Variants in COBL observed in about 807,000 individuals in gnomAD.
The protein encoded by COBL is protein cordon-bleu.
Under a neutral mutation model 98.8 loss-of-function variants are expected in COBL, and 51 were observed. The observed-to-expected ratio is 0.52, with a 90% CI of 0.41 to 0.65. The LOEUF is 0.65. Among genes scored for constraint, COBL ranks in the 30% least tolerant of loss-of-function variants. The probability of loss-of-function intolerance (pLI) is 0.00; values close to 1 mark genes in which losing one functional copy is unlikely to be tolerated. For missense variants in COBL, 1,617 were observed against 1,617.5 expected, an observed-to-expected ratio of 1.00 and a Z score of 0.01; for synonymous variants, 634 against 651.7, an observed-to-expected ratio of 0.97 and a Z score of 0.41.
intron 5 of COBL, among the ~76,000 whole-genome samples, chr7:51,155,843 G>A (rs1253488920): frequency 6.6e-6 from 1 of 152,042 alleles, no homozygotes; most frequent in Non-Finnish European, 1.5e-5. Context: ...ATCTACTCTA[G>A]GTCCCATTGT....
intron 4 of COBL, among the ~76,000 whole-genome samples, chr7:51,190,042 G>A (rs1291690624): frequency 6.6e-6 from 1 of 152,208 alleles, no homozygotes. Context: ...TGGCAACACA[G>A]TGAGGAGGCC....
intron 10 of COBL, among the ~76,000 whole-genome samples, chr7:51,027,300 GACAGTTC>G (rs1441550078): frequency 6.6e-6 from 1 of 152,268 alleles, no homozygotes; most frequent in Non-Finnish European, 1.5e-5. Flanking sequence ...ACTGAAGAAT[GACAGTTC>G]GCTGCTGCTA....
At chr7:51,269,136 G>C (rs968545539) in intron 1 of COBL, among the ~76,000 whole-genome samples, 2 of 152,092 alleles carry the variant, frequency 1.3e-5, no homozygotes, top group Non-Finnish European at 2.9e-5. Flanking sequence ...GGGATGGGGA[G>C]TGCTTCTGTG....
chr7:51,050,073 G>C (rs1174306462), intron 7 of COBL, among the ~76,000 whole-genome samples: 1 of 152,132 alleles, frequency 6.6e-6, no homozygotes, highest in East Asian at 1.9e-4. Context: ...ATAGACCTGG[G>C]CTCCTCAAAG....
In COBL at chr7:51,237,486, T is replaced by C. The variant is rs144252981; in HGVS notation, c.42-17542A>G. ...TAACAGCTGAATTTACTTTTACGGT[T>C]TGCCGATCTCAATATACATAAACTG... On this transcript the variant is annotated intron_variant, in intron 1 of 12. Coordinates refer to ENST00000265136, the MANE Select transcript of COBL (RefSeq NM_015198.5). 1.6e-4 allele frequency among the ~76,000 whole-genome samples: 24 copies of C among 151,208 alleles called. 1 individual carries two copies. In the East Asian group the frequency reaches 4.5e-3, roughly 28 times the overall value.
chr7:51,276,079 G>C (rs771818716), intron 1 of COBL, among the ~76,000 whole-genome samples: 28 of 152,180 alleles, frequency 1.8e-4, no homozygotes, highest in Non-Finnish European at 3.2e-4. Context: ...GCTCATAAAT[G>C]AAAATGTGCA....
At chr7:51,169,317 T>C (rs1177427228) in intron 5 of COBL, among the ~76,000 whole-genome samples, 1 of 152,166 alleles carries the variant, frequency 6.6e-6, no homozygotes, top group African/African-American at 2.4e-5. Context: ...ATCTTACGTG[T>C]ACTGATTGAT....
At chr7:51,228,547 C>G (rs1397895927) in intron 1 of COBL, among the ~76,000 whole-genome samples, 3 of 151,974 alleles carry the variant, frequency 2.0e-5, no homozygotes, top group Admixed American at 6.5e-5. Flanking sequence ...ACAGTTTTGA[C>G]CTGGGGGTGG....
At chr7:51,235,365 G>C (rs1795156599) in intron 1 of COBL, among the ~76,000 whole-genome samples, 1 of 152,152 alleles carries the variant, frequency 6.6e-6, no homozygotes, top group African/African-American at 2.4e-5. Context: ...GACAGGTCAG[G>C]GATCTGAAGG....
At chr7:51,207,204 C>G (rs1363613661) in intron 2 of COBL, among the ~76,000 whole-genome samples, 1 of 151,674 alleles carries the variant, frequency 6.6e-6, no homozygotes, top group Non-Finnish European at 1.5e-5. Flanking sequence ...AAAAGAAAAT[C>G]ACTTTTCCCA....
chr7:51,226,632 A>C (rs1389992353), intron 1 of COBL, among the ~76,000 whole-genome samples: 1 of 152,138 alleles, frequency 6.6e-6, no homozygotes, highest in African/African-American at 2.4e-5. Context: ...CAGTTTTCTC[A>C]GCAATAATAA....
intron 1 of COBL, among the ~76,000 whole-genome samples, chr7:51,261,126 G>A (rs1037722342): frequency 2.6e-5 from 4 of 152,118 alleles, no homozygotes; most frequent in Admixed American, 6.5e-5. Flanking sequence ...ACATGCTGCC[G>A]TACACAGTAG....
intron 6 of COBL, among the ~76,000 whole-genome samples, chr7:51,119,539 G>A (rs1043572963): frequency 4.6e-5 from 7 of 152,104 alleles, no homozygotes; most frequent in Non-Finnish European, 1.0e-4. Flanking sequence ...ACTGCACCAC[G>A]AGCTTCTCTA....
intron 1 of COBL, among the ~76,000 whole-genome samples, chr7:51,278,379 C>CTTTTTTTTTT (rs10649607): frequency 8.4e-6 from 1 of 119,520 alleles, no homozygotes; most frequent in African/African-American, 3.2e-5. Context: ...TAGACAGGAT[C>CTTTTTTTTTT]TTTTTTTTTT....
intron 4 of COBL, among the ~76,000 whole-genome samples, chr7:51,186,297 C>A (rs779429964): frequency 2.0e-5 from 3 of 152,134 alleles, no homozygotes; most frequent in Non-Finnish European, 4.4e-5. Flanking sequence ...CAGATGTGAC[C>A]CCATCGTAAG....
chr7:51,157,359 CA>C (rs1205669798), intron 5 of COBL, among the ~76,000 whole-genome samples: 2 of 152,150 alleles, frequency 1.3e-5, no homozygotes, highest in Admixed American at 6.5e-5. Flanking sequence ...GGCAACACAG[CA>C]AGACTCCGCC....
intron 6 of COBL, among the ~76,000 whole-genome samples, chr7:51,106,364 C>T (rs895801932): frequency 3.9e-5 from 6 of 152,222 alleles, no homozygotes; most frequent in Admixed American, 1.3e-4. Flanking sequence ...AAAGCAGTGC[C>T]GACCCCTGTG....
intron 6 of COBL, among the ~76,000 whole-genome samples, chr7:51,085,815 C>G (rs1794181954): frequency 6.6e-6 from 1 of 152,192 alleles, no homozygotes; most frequent in Non-Finnish European, 1.5e-5. Flanking sequence ...GCAGCTGCAG[C>G]CAAGACTATC....
intron 1 of COBL, among the ~76,000 whole-genome samples, chr7:51,236,461 C>G (rs1052159965): frequency 1.3e-5 from 2 of 152,178 alleles, no homozygotes; most frequent in Non-Finnish European, 2.9e-5. Flanking sequence ...CCCATTCACT[C>G]CTGGTGAAGG....
Sources: gnomAD v4.1 joint callset for allele counts (sites outside exome capture counted in the v4.1 genomes callset) on GRCh38, gnomAD v4.1.1 for gene constraint, MANE v1.5 for transcripts, NCBI Gene and HGNC (gene_info 2026-07-23, HGNC 2026-07-21) for gene names.